The following EFR3B variants were observed in gnomAD, a reference collection of about 807,000 sequenced individuals.
The protein encoded by EFR3B is protein EFR3 homolog B.
A neutral mutation model predicts 104.7 loss-of-function variants in EFR3B; 64 were observed. The observed-to-expected ratio is 0.61, with a 90% CI of 0.50 to 0.75. The LOEUF is 0.75. EFR3B is among the 30% of genes least tolerant of loss of function. EFR3B has a pLI of 0.00. For synonymous variants in EFR3B, 385 were observed against 417.9 expected (o/e 0.92, Z 0.96); for missense variants, 750 against 1,078.5 (o/e 0.70, Z 4.27).
Position 25,151,944 on chromosome 2 carries a change from G to T in EFR3B, c.2222G>T (p.Arg741Leu). Residue 741 changes from arginine (R) to leucine (L), a missense_variant, in exon 21 of 23, where the codon CGT (arginine) becomes CTT (leucine). Coordinates refer to ENST00000403714, the MANE Select transcript of EFR3B (RefSeq NM_014971.2). Reference protein sequence around the residue: ...VDSVAVEEQERERRRQVVEKF... With the variant: ...VDSVAVEEQELERRRQVVEKF... ...AGCGTAGCAGTGGAGGAGCAGGAGC[G>T]TGAGCGGCGGCGGCAGGTGGTGGAG... 2 of 1,551,744 alleles carry T rather than the reference G, an allele frequency of 1.3e-6. No individual in the cohort carries two copies. The highest frequency in any genetic ancestry group is 1.7e-6 in the Non-Finnish European group (2 of 1,147,016).
chr2:25,081,436 G>A, intron 1 of EFR3B: 1 of 1,420,152 alleles, frequency 7.0e-7, no homozygotes, highest in Non-Finnish European at 9.9e-7. Context: ...TTTGGCAATT[G>A]CATAAGCTTC....
At chr2:25,062,742 G>A (rs1028957325) in intron 1 of EFR3B, among the ~76,000 whole-genome samples, 1 of 152,210 alleles carries the variant, frequency 6.6e-6, no homozygotes, top group Non-Finnish European at 1.5e-5. Context: ...GCAGTGGGGG[G>A]AGGCCCATAC....
At chr2:25,104,236 C>T (rs908315841) in intron 4 of EFR3B, among the ~76,000 whole-genome samples, 4 of 152,040 alleles carry the variant, frequency 2.6e-5, no homozygotes, top group African/African-American at 9.7e-5. Flanking sequence ...TCATGGCACA[C>T]ACCTGTAATC....
intron 1 of EFR3B, among the ~76,000 whole-genome samples, chr2:25,067,866 G>A (rs1668381657): frequency 6.6e-6 from 1 of 151,866 alleles, no homozygotes; most frequent in Admixed American, 6.6e-5. Context: ...AAAAAATAGA[G>A]ATGGGGATCT....
chr2:25,151,841 T>G, intron 20 of EFR3B, 73 bp from the exon 21 acceptor site: 1 of 1,496,934 alleles, frequency 6.7e-7, no homozygotes, highest in Non-Finnish European at 9.1e-7. Context: ...TCATGGACAG[T>G]GCTCCCTGGA....
intron 1 of EFR3B, among the ~76,000 whole-genome samples, chr2:25,048,114 T>G (rs1667770613): frequency 6.6e-6 from 1 of 152,010 alleles, no homozygotes; most frequent in Non-Finnish European, 1.5e-5. Flanking sequence ...CTCCTGAGCT[T>G]AAGTGATCCT....
In EFR3B at chr2:25,159,004, G is replaced by A. The variant is rs1671249665; in HGVS notation, c.*4664G>A. 1 of 152,224 alleles carries A rather than the reference G, an allele frequency of 6.6e-6. No individual in the cohort carries two copies. The highest frequency in any genetic ancestry group is 2.4e-5 in the African/African-American group (1 of 41,456). 9.4% of individuals were successfully genotyped at this position (152,224 alleles called of 1,614,324 possible). On this transcript the variant is annotated 3_prime_UTR_variant, in exon 23 of 23. Coordinates refer to ENST00000403714, the MANE Select transcript of EFR3B (RefSeq NM_014971.2). Reference sequence around the variant, plus strand: ...AATTGGTTAGTTTTATTTTAGGGAAGTGGGAAAGGCGGAGTGGGGGGAAGT... The same window carrying A: ...AATTGGTTAGTTTTATTTTAGGGAAATGGGAAAGGCGGAGTGGGGGGAAGT...
intron 1 of EFR3B, chr2:25,080,594 C>A: frequency 1.9e-6 from 1 of 533,940 alleles, no homozygotes; most frequent in Non-Finnish European, 3.3e-6. Flanking sequence ...ACTCCTGGCC[C>A]CTGAAGTTTT....
chr2:25,129,256 T>C (rs374438975), intron 6 of EFR3B, among the ~76,000 whole-genome samples: 1 of 150,458 alleles, frequency 6.6e-6, no homozygotes, highest in East Asian at 2.0e-4. Context: ...CCACCTGGGC[T>C]ATCTGTGCAC....
chr2:25,062,637 G>C (rs1668226467), intron 1 of EFR3B, among the ~76,000 whole-genome samples: 1 of 152,224 alleles, frequency 6.6e-6, no homozygotes, highest in African/African-American at 2.4e-5. Context: ...AGGGCCGCAG[G>C]CTACTAGACA....
intron 1 of EFR3B, chr2:25,081,346 G>T (rs1668800316): frequency 1.1e-6 from 1 of 895,832 alleles, no homozygotes; most frequent in Non-Finnish European, 1.8e-6. Context: ...TACTACTTGT[G>T]AGTCCCAGAG....
At chr2:25,080,116 A>T (rs1374788883) in intron 1 of EFR3B, 2 of 1,030,140 alleles carry the variant, frequency 1.9e-6, no homozygotes, top group South Asian at 2.5e-5. Context: ...TACTGCCGTG[A>T]CTATACCCTG....
At chr2:25,072,341 T>A (rs1326216585) in intron 1 of EFR3B, among the ~76,000 whole-genome samples, 3 of 152,198 alleles carry the variant, frequency 2.0e-5, no homozygotes, top group Non-Finnish European at 4.4e-5. Context: ...AGTGCAGTGG[T>A]GTGATCTCGG....
At chr2:25,125,241 A>G (rs1670131911) in intron 5 of EFR3B, among the ~76,000 whole-genome samples, 2 of 152,194 alleles carry the variant, frequency 1.3e-5, no homozygotes, top group Admixed American at 6.5e-5. Flanking sequence ...GGAAAAGAAG[A>G]AAGATTAATT....
Position 25,142,990 on chromosome 2 carries a change from G to A in EFR3B, c.1923-745G>A, listed in dbSNP as rs374043363. Among the ~76,000 whole-genome samples the A allele has an allele frequency of 1.8e-4, 27 of 149,872 alleles. No individual in the cohort carries two copies. The East Asian group carries it at 5.1e-3, about 28-fold the overall frequency. On this transcript the variant is annotated intron_variant, in intron 17 of 22. Coordinates refer to ENST00000403714, the MANE Select transcript of EFR3B (RefSeq NM_014971.2). ...AGGCTGGGCATGGCGGCTCATGCCT[G>A]TAATCCCAGCACTTTGGGAGGCCGA...
At chr2:25,139,926 T>G (rs897197602) in intron 16 of EFR3B, among the ~76,000 whole-genome samples, 7 of 152,208 alleles carry the variant, frequency 4.6e-5, no homozygotes, top group African/African-American at 1.7e-4. Context: ...CATTCTATAG[T>G]CAAATGTGTT....
At chr2:25,055,842 C>T (rs1668004764) in intron 1 of EFR3B, among the ~76,000 whole-genome samples, 2 of 152,154 alleles carry the variant, frequency 1.3e-5, no homozygotes, top group South Asian at 4.1e-4. Context: ...TGGAGCTCTG[C>T]AGCCTCCCTC....
chr2:25,103,350 A>G (rs1270042289), intron 3 of EFR3B, among the ~76,000 whole-genome samples: 2 of 152,146 alleles, frequency 1.3e-5, no homozygotes, highest in African/African-American at 4.8e-5. Context: ...CTTTGTGTTG[A>G]CTCATGAAAT....
At position 25,085,303 on chromosome 2, in the gene EFR3B, A is replaced by C. The variant is rs140930829; in HGVS notation, c.8-6022A>C. ...TCCTGGAACTCAAAGGTCAAATGAC[A>C]GAAGCAGGACTTAAACACCAGTACT... is the stretch of plus-strand genomic sequence containing the variant. On this transcript the variant is annotated intron_variant, in intron 1 of 22. Transcript: ENST00000403714. Among the ~76,000 whole-genome samples, 935 of 152,344 alleles carry C rather than the reference A, an allele frequency of 6.1e-3. 7 individuals are homozygous for C. The highest frequency in any genetic ancestry group is 0.022 in the African/African-American group (901 of 41,572).
Sources: allele counts gnomAD v4.1 joint callset (sites outside exome capture counted in the v4.1 genomes callset), GRCh38; gene constraint gnomAD v4.1.1; transcripts MANE v1.5; gene names NCBI Gene and HGNC (gene_info 2026-07-23, HGNC 2026-07-21).